Variants in PRKG1 observed in about 807,000 individuals in gnomAD.
PRKG1 encodes cGMP-dependent protein kinase 1.
PRKG1 carries 35 observed loss-of-function variants against 88.1 expected under a neutral mutation model. The observed-to-expected ratio is 0.40, with a 90% CI of 0.30 to 0.53. The LOEUF (loss-of-function observed/expected upper bound fraction) is 0.53. PRKG1 is among the 20% of genes least tolerant of loss of function. The pLI, the probability that PRKG1 is intolerant of heterozygous loss-of-function variation, is 0.59. For missense variants in PRKG1, 540 were observed against 839.8 expected (o/e 0.64, Z 4.41); for synonymous variants, 303 against 292.5 (o/e 1.04, Z -0.37).
chr10:50,992,995 C>T (rs1842797963), intron 1 of PRKG1, among the ~76,000 whole-genome samples: 1 of 152,160 alleles, frequency 6.6e-6, no homozygotes, highest in Non-Finnish European at 1.5e-5. Flanking sequence ...AGCTCTCTCA[C>T]TTTTGAGGCA....
intron 3 of PRKG1, among the ~76,000 whole-genome samples, chr10:51,576,372 G>T (rs115574076): frequency 5.9e-5 from 9 of 151,830 alleles, no homozygotes; most frequent in African/African-American, 1.9e-4. Flanking sequence ...GTTCAACAAT[G>T]TATCATGGGC....
At chr10:51,340,254 A>G (rs1213163775) in intron 2 of PRKG1, among the ~76,000 whole-genome samples, 2 of 152,154 alleles carry the variant, frequency 1.3e-5, no homozygotes, top group Non-Finnish European at 2.9e-5. Context: ...TTCCATTGAT[A>G]GCTTGAACTG....
chr10:51,351,111 G>A (rs1354222953), intron 2 of PRKG1, among the ~76,000 whole-genome samples: 1 of 152,126 alleles, frequency 6.6e-6, no homozygotes, highest in Non-Finnish European at 1.5e-5. Context: ...TGGCTGCATA[G>A]TATTCCATGG....
intron 9 of PRKG1, among the ~76,000 whole-genome samples, chr10:52,228,138 GTGA>G (rs960842025): frequency 3.9e-5 from 6 of 152,056 alleles, no homozygotes; most frequent in Admixed American, 1.3e-4. Context: ...CAGAACACTG[GTGA>G]TGTTTTCTTG....
intron 7 of PRKG1, among the ~76,000 whole-genome samples, chr10:52,068,665 T>C (rs965519094): frequency 7.3e-5 from 11 of 149,942 alleles, no homozygotes; most frequent in Non-Finnish European, 1.6e-4. Context: ...CCATCATCTT[T>C]ATCTACATCA....
At chr10:52,049,258 G>A (rs1178090434) in intron 5 of PRKG1, among the ~76,000 whole-genome samples, 1 of 152,112 alleles carries the variant, frequency 6.6e-6, no homozygotes, top group African/African-American at 2.4e-5. Context: ...AGTGATGACA[G>A]CAAGATAATG....
At chr10:51,716,299 A>AT (rs1841884522) in intron 3 of PRKG1, among the ~76,000 whole-genome samples, 1 of 152,138 alleles carries the variant, frequency 6.6e-6, no homozygotes, top group African/African-American at 2.4e-5. Context: ...CCTGTTTTTG[A>AT]TAATTGTACT....
At chr10:52,173,150 C>T (rs932117556) in intron 9 of PRKG1, among the ~76,000 whole-genome samples, 5 of 152,126 alleles carry the variant, frequency 3.3e-5, no homozygotes, top group African/African-American at 1.2e-4. Flanking sequence ...ATTTATAAGT[C>T]TATGTTGTAA....
rs983494491 is a variant in PRKG1, at chr10:51,970,050, A to ACACC, written c.762+62481_762+62482insACCC. Among the ~76,000 whole-genome samples, 604 of 133,534 alleles carry ACACC rather than the reference A, an allele frequency of 4.5e-3. 7 individuals are homozygous for ACACC. The highest frequency in any genetic ancestry group is 6.9e-3 in the Non-Finnish European group (440 of 63,488). 87.6% of individuals were successfully genotyped at this position (133,534 alleles called of 152,430 possible). On this transcript the variant is annotated intron_variant, in intron 5 of 17. Coordinates refer to ENST00000373980, the MANE Select transcript of PRKG1 (RefSeq NM_006258.4). ...CACACACACACACACACACACACAC[A>ACACC]CCCATATTTATTTATATATTTTTCT...
intron 5 of PRKG1, among the ~76,000 whole-genome samples, chr10:51,935,208 T>A (rs1383852421): frequency 6.6e-6 from 1 of 152,132 alleles, no homozygotes; most frequent in Non-Finnish European, 1.5e-5. Flanking sequence ...GTAGGGGACA[T>A]CAGCTTCTAA....
At chr10:51,611,636 T>G (rs1838912329) in intron 3 of PRKG1, among the ~76,000 whole-genome samples, 1 of 151,894 alleles carries the variant, frequency 6.6e-6, no homozygotes, top group Middle Eastern at 3.2e-3. Context: ...TAATTTAATA[T>G]AGTCCCATTT....
At chr10:51,570,906 A>G (rs1216232313) in intron 3 of PRKG1, among the ~76,000 whole-genome samples, 1 of 151,982 alleles carries the variant, frequency 6.6e-6, no homozygotes, top group Non-Finnish European at 1.5e-5. Flanking sequence ...TAACCCATCA[A>G]AATGTGTTTC....
chr10:51,985,528 A>T (rs1236712082), intron 5 of PRKG1, among the ~76,000 whole-genome samples: 1 of 152,158 alleles, frequency 6.6e-6, no homozygotes, highest in Non-Finnish European at 1.5e-5. Context: ...CTTTTTTAAG[A>T]TTGCTTCTGT....
At chr10:52,135,986 C>T (rs535784310) in intron 8 of PRKG1, among the ~76,000 whole-genome samples, 7 of 151,668 alleles carry the variant, frequency 4.6e-5, no homozygotes, top group Admixed American at 6.6e-5. Context: ...GAAAGCAGAG[C>T]GGTGTAGGAG....
chr10:51,604,597 C>T (rs1838707416), intron 3 of PRKG1, among the ~76,000 whole-genome samples: 1 of 152,174 alleles, frequency 6.6e-6, no homozygotes, highest in Non-Finnish European at 1.5e-5. Flanking sequence ...TGAGGAGAAC[C>T]TTATCCAAAA....
chr10:51,035,831 A>G (rs541864363), intron 1 of PRKG1, among the ~76,000 whole-genome samples: 9 of 152,292 alleles, frequency 5.9e-5, no homozygotes, highest in Non-Finnish European at 1.2e-4. Flanking sequence ...AACCATTAAC[A>G]TTCTCTTATA....
chr10:52,201,937 G>C (rs1358584714), intron 9 of PRKG1, among the ~76,000 whole-genome samples: 1 of 152,130 alleles, frequency 6.6e-6, no homozygotes, highest in African/African-American at 2.4e-5. Flanking sequence ...TTGTTTTTCA[G>C]ATCTAGGAGC....
At chr10:51,434,703 T>C (rs921078801) in intron 2 of PRKG1, among the ~76,000 whole-genome samples, 30 of 152,232 alleles carry the variant, frequency 2.0e-4, no homozygotes, top group African/African-American at 6.5e-4. Flanking sequence ...ATCTGATTTT[T>C]AGGAATTATG....
At chr10:51,245,754 C>G (rs536384615) in intron 2 of PRKG1, 1 of 152,106 alleles carries the variant, frequency 6.6e-6, no homozygotes, top group East Asian at 1.9e-4. Flanking sequence ...GCTAAGAGAA[C>G]ACTGAGACTG....
Sources: allele counts gnomAD v4.1 joint callset (sites outside exome capture counted in the v4.1 genomes callset), GRCh38; gene constraint gnomAD v4.1.1; transcripts MANE v1.5; gene names NCBI Gene and HGNC (gene_info 2026-07-23, HGNC 2026-07-21).